Variants in PRDM4 observed in about 807,000 individuals in gnomAD.
PRDM4 encodes the protein PR domain zinc finger protein 4.
Under a neutral mutation model 62.3 loss-of-function variants are expected in PRDM4, and 38 were observed. That is an observed-to-expected ratio of 0.61 (90% CI 0.47 to 0.80). The LOEUF (loss-of-function observed/expected upper bound fraction) is 0.80, where lower values mean the gene tolerates loss of function less well. PRDM4 is among the 30% of genes least tolerant of loss of function. The probability of loss-of-function intolerance (pLI) is 0.00; values close to 1 mark genes in which losing one functional copy is unlikely to be tolerated. For synonymous variants in PRDM4, 339 were observed against 348.2 expected (o/e 0.97, Z 0.30); for missense variants, 858 against 997.1 (o/e 0.86, Z 1.88).
chr12:107,760,847 C>T (rs1891223062), intron 1 of PRDM4, 76 bp from the exon 2 acceptor site: 1 of 208,522 alleles, frequency 4.8e-6, no homozygotes, highest in East Asian at 1.2e-4. Flanking sequence ...CCCGAAAGCC[C>T]CAGGCGCTGC....
At chr12:107,744,463 T>G in intron 7 of PRDM4, 80 bp downstream of exon 7, 6 of 1,515,434 alleles carry the variant, frequency 4.0e-6, no homozygotes, top group Non-Finnish European at 5.4e-6. Flanking sequence ...CTGGCTGATT[T>G]TGACTTTATC....
Position 107,732,896 on chromosome 12 carries a change from C to T in PRDM4, c.*1314G>A, listed in dbSNP as rs1051950270. On this transcript the variant is annotated 3_prime_UTR_variant, in exon 12 of 12. Coordinates refer to ENST00000228437, the MANE Select transcript of PRDM4 (RefSeq NM_012406.4). ...TATTTTAAAAAAGTTTAATTTTAAT[C>T]CTTCCTAGAGGAATACAGATTTGAA... The T allele has an allele frequency of 1.3e-5, 2 of 152,628 alleles. No homozygotes were observed. The highest frequency in any genetic ancestry group is 4.8e-5 in the African/African-American group (2 of 41,450). The allele number at this position is 152,628 out of a possible 1,614,324, so 9.5% of individuals were successfully genotyped here.
chr12:107,753,952 C>G lies in PRDM4; in HGVS notation c.303G>C (p.Glu101Asp), dbSNP rs780028138. ...TLPPPPYPHL[E>D]SSYFRTILPG... is the part of the protein sequence containing the mutation. ...GTAGAATGGTTCTGAAATAACTGCT[C>G]TCCAGGTGAGGGTAAGGTGGTGGAG... The change falls in exon 4 of 12, where the codon GAG (glutamate) becomes GAC (aspartate). Residue 101 changes from glutamate (E) to aspartate (D), a missense_variant. Physicochemically the swap from Glu to Asp is conservative, Grantham distance 45 (BLOSUM62 2). This residue lies in a region of PRDM4 where 499 missense variants were observed against 546.7 expected (regional missense o/e 0.91). Coordinates refer to ENST00000228437, the MANE Select transcript of PRDM4 (RefSeq NM_012406.4). 2 of 1,613,988 alleles carry G rather than the reference C, an allele frequency of 1.2e-6. No individual in the cohort carries two copies. Among genetic ancestry groups the G allele is most frequent in the South Asian group, 2.2e-5 (2 of 91,054 alleles).
chr12:107,755,860 G>T (rs190009957), intron 3 of PRDM4, among the ~76,000 whole-genome samples: 1 of 152,120 alleles, frequency 6.6e-6, no homozygotes, highest in Non-Finnish European at 1.5e-5. Flanking sequence ...CGAGGAGGGC[G>T]GATCACCTGA....
intron 4 of PRDM4, among the ~76,000 whole-genome samples, 197 bp from the exon 5 acceptor site, chr12:107,752,406 C>T (rs1890924185): frequency 6.6e-6 from 1 of 152,054 alleles, no homozygotes; most frequent in East Asian, 1.9e-4. Flanking sequence ...ACTCGAAAAT[C>T]CTAAAAAAGT....
chr12:107,757,234 C>T (rs1403869109), intron 2 of PRDM4, among the ~76,000 whole-genome samples: 1 of 152,088 alleles, frequency 6.6e-6, no homozygotes, highest in Non-Finnish European at 1.5e-5. Context: ...CTAGGCACAC[C>T]ATCTAAAGCA....
In PRDM4 at chr12:107,744,571, G is replaced by A. The variant is rs1221178663; in HGVS notation, c.1367C>T (p.Thr456Ile). 5.0e-6 allele frequency: 8 copies of A among 1,613,588 alleles called. No homozygotes were observed. Among genetic ancestry groups the A allele is most frequent in the Non-Finnish European group, 5.1e-6 (6 of 1,179,714 alleles). ...QSHSMEVAEW[T>I]DKAVNHIWKI... ...CCAGATATGGTTAACTGCCTTGTCT[G>A]TCCATTCTGCTACTTCCATGGAGTG... The change falls in exon 7 of 12, where the codon ACA becomes ATA. Residue 456 changes from threonine (T) to isoleucine (I), a missense_variant. By Grantham distance (89) the Thr-to-Ile change is moderately conservative. Transcript: ENST00000228437.
At position 107,761,091 on chromosome 12, in the gene PRDM4, G is replaced by GCCCGGCCCTT. The variant is rs1891237289; in HGVS notation, c.-401_-392dup. Reference sequence around the variant, plus strand: ...CCGCTGCCCTAACGTTTCCCGTCCCGCCCGGCCCTTCCCGGCCCGCGGCCT... The same window carrying GCCCGGCCCTT: ...CCGCTGCCCTAACGTTTCCCGTCCCGCCCGGCCCTTCCCGGCCCTTCCCGGCCCGCGGCCT... On this transcript the variant is annotated 5_prime_UTR_variant, in exon 1 of 12. Transcript: ENST00000228437. The GCCCGGCCCTT allele has an allele frequency of 6.6e-6, 1 of 151,466 alleles. No individual in the cohort carries two copies. The highest frequency in any genetic ancestry group is 1.5e-5 in the Non-Finnish European group (1 of 67,914). The allele number at this position is 151,466 out of a possible 1,614,324, so 9.4% of individuals were successfully genotyped here. A position where few individuals can be genotyped will look rare whatever the true frequency, so the allele number is the denominator to read the frequency against.
At chr12:107,742,959 G>T (rs925612295) in intron 8 of PRDM4, among the ~76,000 whole-genome samples, 2 of 151,922 alleles carry the variant, frequency 1.3e-5, no homozygotes, top group African/African-American at 4.8e-5. Flanking sequence ...AGAGATGAGG[G>T]TCTTGCTATG....
At chr12:107,747,177 C>G (rs1425788941) in intron 5 of PRDM4, among the ~76,000 whole-genome samples, 2 of 152,030 alleles carry the variant, frequency 1.3e-5, no homozygotes, top group Non-Finnish European at 2.9e-5. Flanking sequence ...CTTCAACAAT[C>G]AAGTACATTA....
intron 10 of PRDM4, 82 bp downstream of exon 10, chr12:107,740,864 C>G: frequency 7.2e-7 from 1 of 1,396,048 alleles, no homozygotes; most frequent in Non-Finnish European, 9.8e-7. Context: ...TCAACTCCAC[C>G]TACAATCCCT....
intron 11 of PRDM4, chr12:107,739,164 TA>T: frequency 2.1e-6 from 1 of 473,324 alleles, no homozygotes; most frequent in Admixed American, 3.8e-5. Context: ...ATGTGAAAAG[TA>T]AGAAAAAGAA....
intron 4 of PRDM4, among the ~76,000 whole-genome samples, chr12:107,753,457 A>C (rs1276456065): frequency 6.6e-6 from 1 of 152,114 alleles, no homozygotes; most frequent in African/African-American, 2.4e-5. Context: ...AAACCTATAC[A>C]CCAAAACAAA....
chr12:107,752,185 C>A lies in PRDM4; in HGVS notation c.356G>T (p.Arg119Ile). ...LPGILSYLAD[R>I]PPPQYIHPNS... ...AGGGTGGATGTACTGTGGAGGTGGTCTGTCAGCTAAATAAGATAAAATGCC... is the reference window on the plus strand; with the variant it reads ...AGGGTGGATGTACTGTGGAGGTGGTATGTCAGCTAAATAAGATAAAATGCC... Residue 119 changes from arginine to isoleucine, a missense_variant, in exon 5 of 12, where the codon AGA becomes ATA. Physicochemically the swap from Arg to Ile is moderately conservative, Grantham distance 97. Transcript: ENST00000228437. 6.3e-7 allele frequency: 1 copy of A among 1,585,944 alleles called. No homozygotes were observed. Among genetic ancestry groups the A allele is most frequent in the South Asian group, 1.1e-5 (1 of 90,470 alleles).
At chr12:107,756,716 T>C in intron 3 of PRDM4, 116 bp downstream of exon 3, 1 of 1,272,450 alleles carries the variant, frequency 7.9e-7, no homozygotes, top group African/African-American at 1.5e-5. Context: ...TCAGGCCTGC[T>C]TACCTTCTCC....
chr12:107,747,322 A>C (rs1890739240), intron 5 of PRDM4, among the ~76,000 whole-genome samples: 1 of 151,596 alleles, frequency 6.6e-6, no homozygotes, highest in South Asian at 2.1e-4. Flanking sequence ...ACGGTGGTAC[A>C]GCTGGCTCTG....
At chr12:107,757,185 T>C (rs1251358212) in intron 2 of PRDM4, among the ~76,000 whole-genome samples, 2 of 152,212 alleles carry the variant, frequency 1.3e-5, no homozygotes, top group African/African-American at 2.4e-5. Flanking sequence ...CAATGTCACA[T>C]AGCAGAAATA....
In PRDM4 at chr12:107,753,982, G is replaced by C. The variant is rs1177583593; in HGVS notation, c.273C>G (p.Thr91=). 1 of 1,613,914 alleles carries C rather than the reference G, an allele frequency of 6.2e-7. No individual in the cohort carries two copies. Among genetic ancestry groups the C allele is most frequent in the Non-Finnish European group, 8.5e-7 (1 of 1,179,982 alleles). The part of the protein sequence containing the change: ...VMCGLPERNY[T]LPPPPYPHLE... ...GGTGAGGGTAAGGTGGTGGAGGTAGGGTGTAGTTTCTTTCAGGTAACCCAC... is the reference window on the plus strand; with the variant it reads ...GGTGAGGGTAAGGTGGTGGAGGTAGCGTGTAGTTTCTTTCAGGTAACCCAC... The change falls in exon 4 of 12, where the codon ACC becomes ACG. Residue 91 remains threonine (T), a synonymous_variant. Coordinates refer to ENST00000228437, the MANE Select transcript of PRDM4 (RefSeq NM_012406.4).
intron 11 of PRDM4, 23 bp downstream of exon 11, chr12:107,739,360 G>A (rs373896558): frequency 7.2e-5 from 116 of 1,608,758 alleles, no homozygotes; most frequent in Non-Finnish European, 9.3e-5. Context: ...GAGGAACGAC[G>A]TCTTGGCTGC....
Sources: allele counts gnomAD v4.1 joint callset (sites outside exome capture counted in the v4.1 genomes callset), GRCh38; gene constraint gnomAD v4.1.1; regional missense constraint gnomAD v4.1.1; transcripts MANE v1.5; gene names NCBI Gene and HGNC (gene_info 2026-07-23, HGNC 2026-07-21).